Variants in NOS1AP observed in about 807,000 individuals in gnomAD.
NOS1AP encodes the protein nitric oxide synthase 1 adaptor protein, also known as carboxyl-terminal PDZ ligand of neuronal nitric oxide synthase protein.
A neutral mutation model predicts 56.2 loss-of-function variants in NOS1AP; 21 were observed. The observed-to-expected ratio is 0.37, with a 90% CI of 0.26 to 0.54. The LOEUF is 0.54. Among genes scored for constraint, NOS1AP ranks in the 20% least tolerant of loss-of-function variants. The pLI, the probability that NOS1AP is intolerant of heterozygous loss-of-function variation, is 0.84. For missense variants in NOS1AP, 522 were observed against 657.8 expected, an observed-to-expected ratio of 0.79 and a Z score of 2.26; for synonymous variants, 270 against 274.6, an observed-to-expected ratio of 0.98 and a Z score of 0.17.
chr1:162,292,477 G>C (rs1234909372), intron 3 of NOS1AP, among the ~76,000 whole-genome samples: 1 of 152,198 alleles, frequency 6.6e-6, no homozygotes, highest in East Asian at 1.9e-4. Context: ...CCTCACAACT[G>C]TCCTATTAGG....
At chr1:162,340,302 C>T (rs1157713134) in intron 5 of NOS1AP, among the ~76,000 whole-genome samples, 2 of 152,178 alleles carry the variant, frequency 1.3e-5, no homozygotes, top group Non-Finnish European at 2.9e-5. Context: ...GCAACAATTT[C>T]CTCACATGTA....
chr1:162,070,597 C>G (rs1218190867), intron 1 of NOS1AP, among the ~76,000 whole-genome samples: 1 of 152,202 alleles, frequency 6.6e-6, no homozygotes, highest in African/African-American at 2.4e-5. Flanking sequence ...GAGAAGCCGG[C>G]AAGTGAGCTC....
chr1:162,325,527 G>C (rs1050296628), intron 4 of NOS1AP, among the ~76,000 whole-genome samples: 3 of 152,074 alleles, frequency 2.0e-5, no homozygotes, highest in African/African-American at 7.2e-5. Flanking sequence ...TCCCTCTAAG[G>C]ATAACACATT....
intron 6 of NOS1AP, among the ~76,000 whole-genome samples, chr1:162,345,229 A>T (rs1388169661): frequency 1.3e-5 from 2 of 151,598 alleles, no homozygotes; most frequent in African/African-American, 4.8e-5. Context: ...ATATGTATAC[A>T]TGTGCCGTGC....
chr1:162,225,775 C>T (rs1264437500), intron 2 of NOS1AP, among the ~76,000 whole-genome samples: 1 of 152,186 alleles, frequency 6.6e-6, no homozygotes, highest in Non-Finnish European at 1.5e-5. Flanking sequence ...CTCCCATGTT[C>T]TCTGCCTTCA....
At chr1:162,081,744 C>CTATA (rs1203479621) in intron 1 of NOS1AP, among the ~76,000 whole-genome samples, 7 of 85,240 alleles carry the variant, frequency 8.2e-5, no homozygotes, top group Non-Finnish European at 1.7e-4. Context: ...ATATCTATAT[C>CTATA]TATATCTATA....
chr1:162,275,449 A>G (rs1207195658), intron 2 of NOS1AP, among the ~76,000 whole-genome samples: 1 of 152,190 alleles, frequency 6.6e-6, no homozygotes, highest in Non-Finnish European at 1.5e-5. Context: ...AAAGTTTTAT[A>G]GTTTTACACT....
intron 2 of NOS1AP, among the ~76,000 whole-genome samples, chr1:162,160,021 A>G (rs560790331): frequency 6.6e-5 from 10 of 152,226 alleles, no homozygotes; most frequent in African/African-American, 2.2e-4. Context: ...CTCTTAAACC[A>G]GGGGATAGAT....
chr1:162,281,868 C>G (rs554579950), intron 2 of NOS1AP, among the ~76,000 whole-genome samples: 2 of 152,306 alleles, frequency 1.3e-5, no homozygotes, highest in South Asian at 4.1e-4. Flanking sequence ...CGCCTGTAAT[C>G]CAAGCACTTT....
intron 2 of NOS1AP, among the ~76,000 whole-genome samples, chr1:162,171,703 C>G (rs1445521395): frequency 6.6e-6 from 1 of 152,158 alleles, no homozygotes; most frequent in East Asian, 1.9e-4. Flanking sequence ...TCCAGCCTCT[C>G]TTTCTGAACT....
chr1:162,110,825 G>A (rs1385529141), intron 1 of NOS1AP, among the ~76,000 whole-genome samples: 5 of 152,136 alleles, frequency 3.3e-5, no homozygotes, highest in Non-Finnish European at 7.4e-5. Flanking sequence ...TGTGACATTG[G>A]ATAAAATTAA....
intron 4 of NOS1AP, among the ~76,000 whole-genome samples, chr1:162,321,731 A>AAAAAATATATAT (rs1480278757): frequency 6.2e-5 from 8 of 128,488 alleles, no homozygotes; most frequent in South Asian, 2.6e-4. Flanking sequence ...AAAAAAAAAA[A>AAAAAATATATAT]ATATATATAT....
intron 1 of NOS1AP, among the ~76,000 whole-genome samples, chr1:162,092,419 T>A (rs1692154877): frequency 6.6e-6 from 1 of 152,214 alleles, no homozygotes; most frequent in South Asian, 2.1e-4. Context: ...TCAGTCCTGT[T>A]GAACTTTTCA....
Position 162,162,529 on chromosome 1 carries a change from T to C in NOS1AP, c.177+8053T>C, listed in dbSNP as rs543377899. Among the ~76,000 whole-genome samples the C allele has an allele frequency of 7.9e-5, 12 of 152,304 alleles. No homozygotes were observed. The East Asian group carries it at 2.1e-3, about 27-fold the overall frequency. On this transcript the variant is annotated intron_variant, in intron 2 of 9. Transcript: ENST00000361897. The stretch of plus-strand genomic sequence containing the variant: ...CCATCCTGGCTGTCAAATTTCTGAG[T>C]ATCACCCTGTGTATTCCTCTGCCAA...
intron 6 of NOS1AP, among the ~76,000 whole-genome samples, chr1:162,345,805 G>A (rs10800467): frequency 0.37 from 55,592 of 152,046 alleles, 10,631 homozygotes; most frequent in East Asian, 0.6. Flanking sequence ...AATTATTGTC[G>A]TAATTAGATA....
At chr1:162,122,251 G>T (rs1397923252) in intron 1 of NOS1AP, among the ~76,000 whole-genome samples, 1 of 152,156 alleles carries the variant, frequency 6.6e-6, no homozygotes, top group Non-Finnish European at 1.5e-5. Flanking sequence ...TATCATCAGT[G>T]TTAAAAAACC....
chr1:162,276,452 A>G (rs1346996865), intron 2 of NOS1AP, among the ~76,000 whole-genome samples: 1 of 151,230 alleles, frequency 6.6e-6, no homozygotes, highest in Non-Finnish European at 1.5e-5. Context: ...CTTAGTTTCT[A>G]TGGTCTGCTA....
chr1:162,368,081 A>ATTTTAT lies in NOS1AP; in HGVS notation c.*614_*615insTTTTAT. 6.5e-6 allele frequency: 1 copy of ATTTTAT among 152,936 alleles called. No individual in the cohort carries two copies. The allele number at this position is 152,936 out of a possible 1,614,324, so 9.5% of individuals were successfully genotyped here. A position where few individuals can be genotyped will look rare whatever the true frequency, so the allele number is the denominator to read the frequency against. ...TGTGTCACAGTGGATAAGCTTTTAG[A>ATTTTAT]GGAACTGAATCCAAACATTTTCTCC... On this transcript the variant is annotated 3_prime_UTR_variant, in exon 10 of 10. Coordinates refer to ENST00000361897, the MANE Select transcript of NOS1AP (RefSeq NM_014697.3).
chr1:162,367,331 T>A lies in NOS1AP; in HGVS notation c.1385T>A (p.Ile462Asn). 6.2e-7 allele frequency: 1 copy of A among 1,613,196 alleles called. No homozygotes were observed. Among genetic ancestry groups the A allele is most frequent in the Non-Finnish European group, 8.5e-7 (1 of 1,179,908 alleles). Residue 462 changes from isoleucine to asparagine, a missense_variant, in exon 10 of 10, where the codon ATC becomes AAC. Physicochemically the swap from Ile to Asn is moderately radical, Grantham distance 149 (BLOSUM62 -3). Coordinates refer to ENST00000361897, the MANE Select transcript of NOS1AP (RefSeq NM_014697.3). The surrounding 1 kb of genome is among the most constrained non-coding windows in gnomAD (Gnocchi z 6.5). ...LELIKFRESG[I>N]ASEYESNTDE... ...CTCATCAAGTTCCGAGAGTCAGGCA[T>A]CGCCTCGGAGTACGAGTCCAACACG...
Sources: allele counts gnomAD v4.1 joint callset (sites outside exome capture counted in the v4.1 genomes callset), GRCh38; gene constraint gnomAD v4.1.1; non-coding constraint Gnocchi (gnomAD v3.1); transcripts MANE v1.5; gene names NCBI Gene and HGNC (gene_info 2026-07-23, HGNC 2026-07-21).